The following DGKG variants were observed in gnomAD, a reference collection of about 807,000 sequenced individuals.
DGKG encodes the protein DAG kinase gamma.
DGKG carries 78 observed loss-of-function variants against 105.3 expected under a neutral mutation model. The ratio of observed to expected loss-of-function variants is 0.74; its 90% confidence interval spans 0.62 to 0.89. The LOEUF is 0.89. Ranked by LOEUF, DGKG falls within the 40% of genes least tolerant of loss-of-function variation. The pLI is 0.00. For synonymous variants in DGKG, 346 were observed against 367.1 expected, an observed-to-expected ratio of 0.94 and a Z score of 0.66; for missense variants, 958 against 1,020.1, an observed-to-expected ratio of 0.94 and a Z score of 0.83.
chr3:186,332,768 A>G (rs1274491397), intron 1 of DGKG, among the ~76,000 whole-genome samples: 3 of 152,180 alleles, frequency 2.0e-5, no homozygotes, highest in African/African-American at 7.2e-5. Flanking sequence ...TTGAAATTTA[A>G]TCTCCAAAGT....
intron 1 of DGKG, among the ~76,000 whole-genome samples, chr3:186,336,411 T>A (rs1414569184): frequency 6.6e-6 from 1 of 152,238 alleles, no homozygotes; most frequent in Non-Finnish European, 1.5e-5. Flanking sequence ...ATGAAGATTT[T>A]AAATATCAAT....
At chr3:186,310,291 C>CAAAAAAAAAAA (rs1724476497) in intron 2 of DGKG, among the ~76,000 whole-genome samples, 43 of 56,784 alleles carry the variant, frequency 7.6e-4, no homozygotes, top group East Asian at 1.3e-3. Context: ...AAAAAAAAAC[C>CAAAAAAAAAAA]ACACACACAC....
intron 24 of DGKG, among the ~76,000 whole-genome samples, chr3:186,153,421 C>A (rs2108468824): frequency 6.6e-6 from 1 of 152,310 alleles, no homozygotes; most frequent in East Asian, 1.9e-4. Flanking sequence ...AGGCCATTAA[C>A]TAAAGTCTCC....
At chr3:186,257,648 C>A (rs972404391) in intron 17 of DGKG, 4 of 504,576 alleles carry the variant, frequency 7.9e-6, no homozygotes, top group Middle Eastern at 5.0e-4. Flanking sequence ...CTGTTACCTC[C>A]GTATTGGAGG....
intron 21 of DGKG, among the ~76,000 whole-genome samples, chr3:186,208,657 ACT>A (rs984499384): frequency 2.6e-5 from 4 of 151,962 alleles, no homozygotes; most frequent in Non-Finnish European, 5.9e-5. Context: ...CTCCTCTCTG[ACT>A]CTCTCTCCTA....
At chr3:186,246,904 G>A (rs1578720932) in intron 19 of DGKG, among the ~76,000 whole-genome samples, 1 of 152,166 alleles carries the variant, frequency 6.6e-6, no homozygotes, top group African/African-American at 2.4e-5. Flanking sequence ...TGAATCAAGG[G>A]ATTAGCTGTT....
At position 186,265,309 on chromosome 3, in the gene DGKG, G is replaced by A; in HGVS notation, c.1210-3C>T. The A allele has an allele frequency of 2.5e-6, 4 of 1,614,130 alleles. No homozygotes were observed. The highest frequency in any genetic ancestry group is 3.4e-6 in the Non-Finnish European group (4 of 1,179,964). On this transcript the variant is annotated splice_region_variant and splice_polypyrimidine_tract_variant and intron_variant, in intron 13 of 24. Transcript: ENST00000265022. ...TCAGACTTCTCACCTGGCCTGTCCT[G>A]TGACAAGAAAGGAAAGACAAGCATC... is the stretch of plus-strand genomic sequence containing the variant.
At chr3:186,307,661 C>G (rs535996625) in intron 2 of DGKG, among the ~76,000 whole-genome samples, 3 of 152,220 alleles carry the variant, frequency 2.0e-5, no homozygotes, top group Admixed American at 1.3e-4. Context: ...GAGTCTTTGT[C>G]TATCATACTA....
intron 5 of DGKG, among the ~76,000 whole-genome samples, chr3:186,295,487 C>T (rs1315292604): frequency 7.4e-5 from 11 of 147,688 alleles, no homozygotes; most frequent in South Asian, 2.2e-4. Context: ...GGTGACAGAG[C>T]GAGACTCCGT....
intron 10 of DGKG, 71 bp downstream of exon 10, chr3:186,275,476 C>T: frequency 7.6e-7 from 1 of 1,308,728 alleles, no homozygotes; most frequent in Middle Eastern, 1.8e-4. Flanking sequence ...ATTTTCTCTG[C>T]AATGGATCAA....
intron 21 of DGKG, among the ~76,000 whole-genome samples, chr3:186,190,495 A>G (rs554136403): frequency 6.6e-6 from 1 of 151,690 alleles, no homozygotes; most frequent in South Asian, 2.1e-4. Flanking sequence ...CACGTTATCC[A>G]TTATCATTAT....
rs963705464 is a variant in DGKG at position 186,148,915 on chromosome 3, G to C, written c.*1175C>G. 2.0e-5 allele frequency: 18 copies of C among 890,296 alleles called. No homozygotes were observed. In the African/African-American group the frequency reaches 3.1e-4, roughly 16 times the overall value. The allele number at this position is 890,296 out of a possible 1,614,324, so 55.1% of individuals were successfully genotyped here. A position where few individuals can be genotyped will look rare whatever the true frequency, so the allele number is the denominator to read the frequency against. On this transcript the variant is annotated 3_prime_UTR_variant, in exon 25 of 25. Transcript: ENST00000265022. ...CCACTTTCTGTCTCATACTACCTAT[G>C]TTTTTTTTTTCCAATGAGGAAAAGT... is the stretch of plus-strand genomic sequence containing the variant.
chr3:186,273,871 T>C (rs1242201876), intron 10 of DGKG, among the ~76,000 whole-genome samples: 3 of 152,302 alleles, frequency 2.0e-5, no homozygotes, highest in Middle Eastern at 3.4e-3. Context: ...TCAGGCTGAG[T>C]GTTGCTGTCC....
At chr3:186,246,420 T>C (rs894725798) in intron 19 of DGKG, among the ~76,000 whole-genome samples, 7 of 152,246 alleles carry the variant, frequency 4.6e-5, no homozygotes, top group Non-Finnish European at 1.0e-4. Flanking sequence ...TCACTCAACA[T>C]CTTAATTAAG....
intron 1 of DGKG, among the ~76,000 whole-genome samples, chr3:186,324,958 A>C (rs1725264368): frequency 6.6e-6 from 1 of 152,262 alleles, no homozygotes; most frequent in African/African-American, 2.4e-5. Flanking sequence ...CAATTTATCC[A>C]TTTATCCAAT....
At chr3:186,262,018 T>A (rs2108574213) in intron 14 of DGKG, 1 of 431,528 alleles carries the variant, frequency 2.3e-6, no homozygotes, top group South Asian at 2.4e-5. Context: ...GATGGGACAA[T>A]GATGCTGTAG....
intron 1 of DGKG, among the ~76,000 whole-genome samples, chr3:186,336,890 C>T (rs1725856059): frequency 6.6e-6 from 1 of 152,004 alleles, no homozygotes; most frequent in South Asian, 2.1e-4. Context: ...TTTCAAGAAC[C>T]TAGATAAAAT....
intron 12 of DGKG, among the ~76,000 whole-genome samples, chr3:186,268,214 C>T (rs1362326730): frequency 2.0e-5 from 3 of 152,146 alleles, no homozygotes; most frequent in African/African-American, 7.2e-5. Flanking sequence ...TTGGAGAAAC[C>T]TACATTTTGA....
In DGKG at chr3:186,297,062, T is replaced by TACACACACA. The variant is rs1560139860; in HGVS notation, c.373+358_373+359insTGTGTGTGT. Among the ~76,000 whole-genome samples the TACACACACA allele has an allele frequency of 1.2e-3, 32 of 26,808 alleles. 1 individual carries two copies. Among genetic ancestry groups the TACACACACA allele is most frequent in the African/African-American group, 2.4e-3 (31 of 12,814 alleles). 17.6% of individuals were successfully genotyped at this position (26,808 alleles called of 152,430 possible). A position where few individuals can be genotyped will look rare whatever the true frequency, so the allele number is the denominator to read the frequency against. On this transcript the variant is annotated intron_variant, in intron 5 of 24. Coordinates refer to ENST00000265022, the MANE Select transcript of DGKG (RefSeq NM_001346.3). ...CCACCTCTCTCTGTCTGTCTGTCTGTCTCTCTCACACACACACACACACAC... is the reference window on the plus strand; with the variant it reads ...CCACCTCTCTCTGTCTGTCTGTCTGTACACACACACTCTCTCACACACACACACACACAC...
Sources: allele counts gnomAD v4.1 joint callset (sites outside exome capture counted in the v4.1 genomes callset), GRCh38; gene constraint gnomAD v4.1.1; transcripts MANE v1.5; gene names NCBI Gene and HGNC (gene_info 2026-07-23, HGNC 2026-07-21).